The following C1orf94 variants were observed in gnomAD, a reference collection of about 807,000 sequenced individuals.
C1orf94 encodes the protein uncharacterized protein C1orf94.
Under a neutral mutation model 53.6 loss-of-function variants are expected in C1orf94, and 45 were observed. The observed-to-expected ratio is 0.84, with a 90% CI of 0.66 to 1.08. The LOEUF (loss-of-function observed/expected upper bound fraction) is 1.08, where lower values mean the gene tolerates loss of function less well. Ranked by LOEUF, C1orf94 falls within the 50% of genes least tolerant of loss-of-function variation. C1orf94 has a pLI of 0.00. For synonymous variants in C1orf94, 304 were observed against 296.1 expected (o/e 1.03, Z -0.27); for missense variants, 762 against 738.9 (o/e 1.03, Z -0.36).
At chr1:34,200,575 T>C (rs970355714) in intron 2 of C1orf94, among the ~76,000 whole-genome samples, 197 bp from the exon 3 acceptor site, 2 of 151,774 alleles carry the variant, frequency 1.3e-5, no homozygotes, top group African/African-American at 4.8e-5. Flanking sequence ...GATGGATGCA[T>C]GAGATCGGGG....
At chr1:34,192,137 C>G (rs1395696054) in intron 1 of C1orf94, among the ~76,000 whole-genome samples, 1 of 152,118 alleles carries the variant, frequency 6.6e-6, no homozygotes, top group Non-Finnish European at 1.5e-5. Context: ...GCGAATAGCA[C>G]AGGAGAGATG....
upstream of C1orf94, among the ~76,000 whole-genome samples, chr1:34,173,253 A>T (rs1392892829): frequency 6.6e-6 from 1 of 152,256 alleles, no homozygotes; most frequent in Non-Finnish European, 1.5e-5. Context: ...ATGGCCAAAA[A>T]CTTTCAAAAG....
chr1:34,190,866 G>A (rs182140938), intron 1 of C1orf94, among the ~76,000 whole-genome samples: 1 of 152,266 alleles, frequency 6.6e-6, no homozygotes, highest in Admixed American at 6.5e-5. Context: ...AAAGCTTAGT[G>A]GCTGAAAACT....
At chr1:34,174,143 C>T (rs561309911), upstream of C1orf94, among the ~76,000 whole-genome samples, 13 of 152,344 alleles carry the variant, frequency 8.5e-5, no homozygotes, top group African/African-American at 1.9e-4. Context: ...CCTGGAAAGG[C>T]GTAAGTGATT....
chr1:34,192,294 G>T (rs1310391027), intron 1 of C1orf94, among the ~76,000 whole-genome samples: 1 of 152,208 alleles, frequency 6.6e-6, no homozygotes, highest in Non-Finnish European at 1.5e-5. Context: ...TGCGGGTTCT[G>T]TGTGGGGTCT....
intron 1 of C1orf94, among the ~76,000 whole-genome samples, chr1:34,195,232 G>T (rs934164500): frequency 1.3e-5 from 2 of 152,196 alleles, no homozygotes; most frequent in African/African-American, 2.4e-5. Flanking sequence ...AGCTGACACT[G>T]ACTGAATGTT....
At chr1:34,168,102 G>T (rs967128750) in intron 1 of C1orf94, among the ~76,000 whole-genome samples, 1 of 152,098 alleles carries the variant, frequency 6.6e-6, no homozygotes, top group African/African-American at 2.4e-5. Context: ...GCTTTAAGGA[G>T]ATGGTCTGAG....
chr1:34,195,599 C>G (rs1388920711), intron 1 of C1orf94, among the ~76,000 whole-genome samples: 1 of 152,060 alleles, frequency 6.6e-6, no homozygotes, highest in Admixed American at 6.5e-5. Flanking sequence ...CCTGGGCTAC[C>G]AAGTCTTTGC....
intron 1 of C1orf94, among the ~76,000 whole-genome samples, chr1:34,195,274 G>A (rs576630185): frequency 4.2e-4 from 64 of 152,282 alleles, no homozygotes; most frequent in African/African-American, 1.3e-3. Flanking sequence ...CTGAGCTCAC[G>A]TACCAGTGAC....
At chr1:34,182,584 A>G (rs1384154318) in intron 1 of C1orf94, among the ~76,000 whole-genome samples, 1 of 152,114 alleles carries the variant, frequency 6.6e-6, no homozygotes, top group Non-Finnish European at 1.5e-5. Context: ...TGCAGTAGGG[A>G]TGGAAAAAGT....
At chr1:34,190,777 C>T (rs1313953905) in intron 1 of C1orf94, among the ~76,000 whole-genome samples, 1 of 152,172 alleles carries the variant, frequency 6.6e-6, no homozygotes, top group Admixed American at 6.5e-5. Context: ...TTCTCTGTCC[C>T]TTGGCTTCTT....
Position 34,200,996 on chromosome 1 carries a change from C to A in C1orf94, c.1234C>A (p.Arg412=), listed in dbSNP as rs775448857. The A allele has an allele frequency of 1.2e-5, 19 of 1,609,694 alleles. 1 individual carries two copies. In the South Asian group the frequency reaches 2.1e-4, roughly 18 times the overall value. Residue 412 remains arginine, a synonymous_variant, in exon 3 of 7, where the codon CGA becomes AGA. Coordinates refer to ENST00000488417, the MANE Select transcript of C1orf94 (RefSeq NM_001134734.2). ...TKNPSGQPRL[R]NKVEVDGPEL... ...GAACCCAAGCGGGCAGCCGAGACTT[C>A]GAAACAAAGTGGAAGTGGATGGGCC... is the stretch of plus-strand genomic sequence containing the variant.
chr1:34,187,582 C>G (rs1462717817), intron 1 of C1orf94, among the ~76,000 whole-genome samples: 3 of 150,182 alleles, frequency 2.0e-5, no homozygotes, highest in East Asian at 3.9e-4. Context: ...GCTCCCAAGT[C>G]ACATTAAAAA....
At chr1:34,208,055 G>A in intron 4 of C1orf94, 102 bp from the exon 5 acceptor site, 3 of 1,183,360 alleles carry the variant, frequency 2.5e-6, no homozygotes, top group Non-Finnish European at 3.7e-6. Flanking sequence ...TCAGCAATGT[G>A]ATGGGACAAA....
intron 1 of C1orf94, among the ~76,000 whole-genome samples, chr1:34,169,945 A>T (rs1642120445): frequency 1.3e-5 from 2 of 152,250 alleles, no homozygotes; most frequent in African/African-American, 4.8e-5. Context: ...AGAAGTGAGA[A>T]GGGGCCCACA....
rs2148617904 is a variant in C1orf94 at position 34,197,852 on chromosome 1, G to T, written c.948G>T (p.Val316=). 6.2e-7 allele frequency: 1 copy of T among 1,614,212 alleles called. No individual in the cohort carries two copies. The highest frequency in any genetic ancestry group is 2.2e-5 in the East Asian group (1 of 44,870). ...ELPAQKRQLP[V]FAKICSKPKA... The stretch of plus-strand genomic sequence containing the variant: ...CTGCTCAGAAGAGGCAGCTCCCAGT[G>T]TTTGCCAAGATCTGTTCCAAGCCCA... The change falls in exon 2 of 7, where the codon GTG becomes GTT. Residue 316 remains valine, a synonymous_variant. Transcript: ENST00000488417. This position sits in a 1 kb window ranked among gnomAD's most constrained non-coding sequence, Gnocchi z 4.1.
intron 1 of C1orf94, among the ~76,000 whole-genome samples, chr1:34,191,481 T>C (rs1571340847): frequency 6.6e-6 from 1 of 152,062 alleles, no homozygotes; most frequent in South Asian, 2.1e-4. Context: ...GACTGACCTC[T>C]TAACTAATAT....
chr1:34,198,004 A>G, intron 2 of C1orf94, 91 bp downstream of exon 2: 2 of 1,311,278 alleles, frequency 1.5e-6, no homozygotes, highest in Non-Finnish European at 2.1e-6. Context: ...TACATAAAGC[A>G]TCTTCATGCA....
Position 34,212,413 on chromosome 1 carries a change from C to G in C1orf94, c.1721+7C>G. The G allele has an allele frequency of 1.2e-6, 2 of 1,606,804 alleles. No individual in the cohort carries two copies. The highest frequency in any genetic ancestry group is 1.7e-5 in the Admixed American group (1 of 58,910). On this transcript the variant is annotated splice_region_variant and intron_variant, in intron 6 of 6. Transcript: ENST00000488417. ...TCTTTCCCCAAGGATATGGGTGAGT[C>G]AGCCCACACTGGGAGCCTAAGGGTA...
Sources: allele counts gnomAD v4.1 joint callset (sites outside exome capture counted in the v4.1 genomes callset), GRCh38; gene constraint gnomAD v4.1.1; non-coding constraint Gnocchi (gnomAD v3.1); transcripts MANE v1.5; gene names NCBI Gene and HGNC (gene_info 2026-07-23, HGNC 2026-07-21).